UTP14A: variants seen among roughly 807,000 people sequenced by gnomAD.
UTP14A encodes the protein U3 small nucleolar RNA-associated protein 14 homolog A.
In UTP14A, 5 loss-of-function variants were observed where a neutral mutation model predicts 57.2. The ratio of observed to expected loss-of-function variants is 0.09; its 90% CI spans 0.05 to 0.18. UTP14A has a LOEUF of 0.18. Among genes scored for constraint, UTP14A ranks in the 10% least tolerant of loss-of-function variants. The probability of loss-of-function intolerance (pLI) is 1.00; values close to 1 mark genes in which losing one functional copy is unlikely to be tolerated. For missense variants in UTP14A, 430 were observed against 562.1 expected, an observed-to-expected ratio of 0.76 and a Z score of 2.38; for synonymous variants, 169 against 210.9, an observed-to-expected ratio of 0.80 and a Z score of 1.72.
chrX:129,926,374 G>C (rs1405559122), intron 14 of UTP14A, 35 bp downstream of exon 14: 2 of 1,135,734 alleles, frequency 1.8e-6, no homozygotes, highest in African/African-American at 1.8e-5. Flanking sequence ...CTGCCTGCTT[G>C]TTACTGCCTG....
chrX:129,925,341 AAT>A, intron 12 of UTP14A, 146 bp downstream of exon 12: 1 of 808,878 alleles, frequency 1.2e-6, no homozygotes, highest in Non-Finnish European at 1.7e-6. Context: ...GTGACGTTTT[AAT>A]AGATGCAGAT....
At chrX:129,910,042 A>G (rs1170351881) in intron 4 of UTP14A, among the ~76,000 whole-genome samples, 1 of 112,098 alleles carries the variant, frequency 8.9e-6, no homozygotes, top group Non-Finnish European at 1.9e-5. Context: ...CTAAGTGGCT[A>G]CTTTAGATCG....
intron 6 of UTP14A, among the ~76,000 whole-genome samples, chrX:129,915,433 G>A (rs896804028): frequency 1.8e-4 from 19 of 104,259 alleles, no homozygotes; most frequent in Admixed American, 3.1e-4. Context: ...GCTGAGGCAG[G>A]AGAATGGCAT....
intron 6 of UTP14A, among the ~76,000 whole-genome samples, chrX:129,917,065 GC>G (rs1324958696): frequency 8.9e-6 from 1 of 111,781 alleles, no homozygotes; most frequent in Non-Finnish European, 1.9e-5. Flanking sequence ...ATATGTCTCT[GC>G]TCTCAAAGGC....
chrX:129,907,298 A>G, intron 1 of UTP14A, 69 bp from the exon 2 acceptor site: 1 of 833,961 alleles, frequency 1.2e-6, no homozygotes, highest in African/African-American at 2.0e-5. Flanking sequence ...ATTATAATTA[A>G]GGGATACATA....
At chrX:129,908,165 T>C (rs1929326042) in intron 3 of UTP14A, 35 bp downstream of exon 3, 1 of 1,113,154 alleles carries the variant, frequency 9.0e-7, no homozygotes, top group East Asian at 3.0e-5. Context: ...GGTTATATAG[T>C]CAATTCCGTG....
chrX:129,914,367 A>G (rs1275477158), intron 6 of UTP14A, among the ~76,000 whole-genome samples: 2 of 111,331 alleles, frequency 1.8e-5, no homozygotes, highest in African/African-American at 6.5e-5. Context: ...ACCTGAGGTC[A>G]GGAGTTCAAG....
intron 11 of UTP14A, chrX:129,922,087 T>C (rs1221362924): frequency 8.7e-6 from 1 of 115,264 alleles, no homozygotes; most frequent in Non-Finnish European, 1.8e-5. Context: ...TTGATGTGTG[T>C]ATACATGGGG....
chrX:129,914,075 C>G (rs1929585585), intron 6 of UTP14A, among the ~76,000 whole-genome samples: 1 of 111,808 alleles, frequency 8.9e-6, no homozygotes, highest in Non-Finnish European at 1.9e-5. Flanking sequence ...TAGAGTGAGG[C>G]TCAGATGTCA....
intron 1 of UTP14A, among the ~76,000 whole-genome samples, chrX:129,906,994 T>A (rs748636958): frequency 7.2e-5 from 8 of 111,016 alleles, no homozygotes; most frequent in Non-Finnish European, 1.5e-4. Context: ...CATATTATTC[T>A]AGGGTCTGAC....
intron 11 of UTP14A, among the ~76,000 whole-genome samples, chrX:129,924,283 C>CTTTTTTTTTT (rs556719731): frequency 1.2e-5 from 1 of 82,532 alleles, no homozygotes; most frequent in Non-Finnish European, 2.3e-5. Flanking sequence ...TCACATGCTA[C>CTTTTTTTTTT]TTTTTTTTTT....
At chrX:129,929,300 C>T (rs1348171761) in intron 14 of UTP14A, 36 bp from the exon 15 acceptor site, 2 of 1,197,383 alleles carry the variant, frequency 1.7e-6, no homozygotes, top group Non-Finnish European at 2.3e-6. Flanking sequence ...GCACCCCAGG[C>T]CTGCCTCATA....
chrX:129,908,387 C>T (rs1177365572), intron 3 of UTP14A: 2 of 407,607 alleles, frequency 4.9e-6, no homozygotes, highest in Non-Finnish European at 4.2e-6. Context: ...AATTTACTTA[C>T]CCCCAAGGTC....
chrX:129,927,796 C>T (rs1930158921), intron 14 of UTP14A, among the ~76,000 whole-genome samples: 1 of 111,799 alleles, frequency 8.9e-6, no homozygotes, highest in East Asian at 2.8e-4. Flanking sequence ...TGTGAGCCAC[C>T]GTACCCTGCC....
rs1286589688 is a variant in UTP14A at position 129,908,741 on chromosome X, T to C, written c.238+7T>C. The C allele has an allele frequency of 8.3e-7, 1 of 1,207,899 alleles. No homozygotes were observed. The highest frequency in any genetic ancestry group is 2.2e-5 in the Admixed American group (1 of 45,961). On this transcript the variant is annotated splice_region_variant and intron_variant, in intron 4 of 14. Coordinates refer to ENST00000394422, the MANE Select transcript of UTP14A (RefSeq NM_006649.4). ...TTCAATGTCAGTTCTGAAGGTAAGT[T>C]GAACAAAGGAAGATACCCATGCATG...
chrX:129,908,815 A>T (rs1453027015), intron 4 of UTP14A, 81 bp downstream of exon 4: 1 of 968,776 alleles, frequency 1.0e-6, no homozygotes, highest in Non-Finnish European at 1.5e-6. Context: ...CCCCCCTAGG[A>T]ACTGTTTTTG....
intron 12 of UTP14A, 37 bp downstream of exon 12, chrX:129,925,232 AGT>A: frequency 8.4e-7 from 1 of 1,183,636 alleles, no homozygotes; most frequent in Non-Finnish European, 1.1e-6. Context: ...TTGTTCAGAA[AGT>A]GTCGTTCTTG....
chrX:129,910,636 A>C (rs1473940483), intron 4 of UTP14A, among the ~76,000 whole-genome samples: 4 of 112,430 alleles, frequency 3.6e-5, no homozygotes, highest in African/African-American at 1.3e-4. Context: ...TCTCCAGCCT[A>C]AGTGACAGAG....
intron 11 of UTP14A, chrX:129,923,019 T>C (rs1694628387): frequency 1.8e-5 from 2 of 111,658 alleles, no homozygotes; most frequent in Admixed American, 9.6e-5. Flanking sequence ...GAATGAAAGA[T>C]AGATTTGCAT....
Sources: gnomAD v4.1 joint callset for allele counts (sites outside exome capture counted in the v4.1 genomes callset) on GRCh38, gnomAD v4.1.1 for gene constraint, MANE v1.5 for transcripts, NCBI Gene and HGNC (gene_info 2026-07-23, HGNC 2026-07-21) for gene names.